The following NPHP4 variants were observed in gnomAD, a reference collection of about 807,000 sequenced individuals.
The protein encoded by NPHP4 is nephrocystin-4.
NPHP4 carries 151 observed loss-of-function variants against 155.8 expected under a neutral mutation model. The observed-to-expected ratio is 0.97, with a 90% CI of 0.85 to 1.11. The LOEUF (loss-of-function observed/expected upper bound fraction) is 1.11, where lower values mean the gene tolerates loss of function less well. Among genes scored for constraint, NPHP4 ranks in the 50% least tolerant of loss-of-function variants. NPHP4 has a pLI of 0.00. For synonymous variants in NPHP4, 845 were observed against 816.8 expected (o/e 1.03, Z -0.59); for missense variants, 1,956 against 1,925.7 (o/e 1.02, Z -0.29).
chr1:5,921,335 C>T (rs1430097369), intron 11 of NPHP4, among the ~76,000 whole-genome samples: 1 of 152,210 alleles, frequency 6.6e-6, no homozygotes, highest in Non-Finnish European at 1.5e-5. Context: ...ACACATGAAC[C>T]GGTTGTTCTC....
At chr1:5,896,103 T>C (rs148169122) in intron 16 of NPHP4, among the ~76,000 whole-genome samples, 1 of 152,348 alleles carries the variant, frequency 6.6e-6, no homozygotes, top group East Asian at 1.9e-4. Context: ...TGTTTGCTTA[T>C]TTTTGAAAAA....
intron 12 of NPHP4, among the ~76,000 whole-genome samples, chr1:5,908,571 C>G (rs1645025161): frequency 6.6e-6 from 1 of 152,178 alleles, no homozygotes; most frequent in African/African-American, 2.4e-5. Flanking sequence ...GGCAGCCAAG[C>G]AGGAGCTCAG....
intron 4 of NPHP4, among the ~76,000 whole-genome samples, chr1:5,968,670 T>G (rs1651976544): frequency 6.6e-6 from 1 of 151,510 alleles, no homozygotes; most frequent in African/African-American, 2.4e-5. Flanking sequence ...ACACACAACT[T>G]TAGATGACAA....
chr1:5,898,736 T>C (rs1317674143), intron 16 of NPHP4, among the ~76,000 whole-genome samples: 1 of 152,250 alleles, frequency 6.6e-6, no homozygotes, highest in African/African-American at 2.4e-5. Context: ...GGGAATTGGC[T>C]TGTCTAAATT....
chr1:5,968,941 C>T (rs1652032081), intron 4 of NPHP4, 146 bp downstream of exon 4: 2 of 524,106 alleles, frequency 3.8e-6, no homozygotes, highest in Non-Finnish European at 3.4e-6. Flanking sequence ...GCACGAGAAT[C>T]GCTCGAACCC....
intron 16 of NPHP4, among the ~76,000 whole-genome samples, chr1:5,899,168 G>C: frequency 6.6e-6 from 1 of 152,244 alleles, no homozygotes; most frequent in East Asian, 1.9e-4. Flanking sequence ...CAACCCAGCC[G>C]TTCACTACCA....
At chr1:5,987,901 T>G (rs1313439806) in intron 1 of NPHP4, among the ~76,000 whole-genome samples, 1 of 152,178 alleles carries the variant, frequency 6.6e-6, no homozygotes, top group Non-Finnish European at 1.5e-5. Flanking sequence ...AAATGGAGTT[T>G]CCAAGCAAAA....
At chr1:5,865,366 C>T (rs933917338) in intron 26 of NPHP4, 93 bp from the exon 27 acceptor site, 15 of 1,188,682 alleles carry the variant, frequency 1.3e-5, no homozygotes, top group Non-Finnish European at 1.6e-5. Flanking sequence ...CGTGGGCAGA[C>T]AGGAGGCTGT....
intron 23 of NPHP4, among the ~76,000 whole-genome samples, chr1:5,872,256 G>T (rs1642081477): frequency 1.3e-5 from 2 of 152,186 alleles, no homozygotes; most frequent in Non-Finnish European, 2.9e-5. Context: ...CGACCTCTGG[G>T]CATTTGGCAA....
At position 5,863,338 on chromosome 1, in the gene NPHP4, T is replaced by G. The variant is rs966449279; in HGVS notation, c.4208A>C (p.Glu1403Ala). 1.9e-6 allele frequency: 3 copies of G among 1,613,838 alleles called. No homozygotes were observed. The African/African-American group carries it at 4.0e-5, about 22-fold the overall frequency. ...ATGGTCATTGATGTAGATCAGGATC[T>G]CCTCCTCACCCACTCTCTGACTAGG... ...FAPSQRVGEE[E>A]ILIYINDHED... Residue 1403 changes from glutamate to alanine, a missense_variant, in exon 30 of 30, where the codon GAG becomes GCG. Coordinates refer to ENST00000378156, the MANE Select transcript of NPHP4 (RefSeq NM_015102.5).
chr1:5,962,283 G>A (rs1014347569), intron 5 of NPHP4, among the ~76,000 whole-genome samples: 7 of 152,158 alleles, frequency 4.6e-5, no homozygotes, highest in African/African-American at 1.7e-4. Flanking sequence ...GGGCTCAAGT[G>A]ATCCTCCCAC....
chr1:5,868,775 GCA>G (rs769259183), intron 23 of NPHP4, among the ~76,000 whole-genome samples: 98 of 116,496 alleles, frequency 8.4e-4, no homozygotes, highest in East Asian at 1.6e-3. Context: ...GCACCCACAT[GCA>G]CACACGCACA....
chr1:5,968,475 A>G (rs1178436522), intron 4 of NPHP4, among the ~76,000 whole-genome samples: 1 of 151,908 alleles, frequency 6.6e-6, no homozygotes, highest in African/African-American at 2.4e-5. Flanking sequence ...GGTGGCACAG[A>G]CCTGTAATCC....
chr1:5,906,488 T>C (rs1644919158), intron 13 of NPHP4, among the ~76,000 whole-genome samples: 1 of 152,262 alleles, frequency 6.6e-6, no homozygotes, highest in Non-Finnish European at 1.5e-5. Flanking sequence ...CACAAACACA[T>C]GAGCCCCAGA....
rs1655885419 is a variant in NPHP4, at chr1:5,989,065, TCCAG to T, written c.-38-2742_-38-2739del. Among the ~76,000 whole-genome samples, 3 of 152,164 alleles carry T rather than the reference TCCAG, an allele frequency of 2.0e-5. No individual in the cohort carries two copies. The South Asian group carries it at 6.2e-4, about 32-fold the overall frequency. ...TGTATGGGGAGAGCTGCTCCCCGAT[TCCAG>T]CCAGAGACTGCAGTGATTGCTTCAA... On this transcript the variant is annotated intron_variant, in intron 1 of 29. Coordinates refer to ENST00000378156, the MANE Select transcript of NPHP4 (RefSeq NM_015102.5).
chr1:5,907,122 G>T lies in NPHP4; in HGVS notation c.1604C>A (p.Ala535Asp). ...QLPHGSQASP[A>D]QAQEFPLEAG... ...CAGGTGGGCGGCACTTACTGCCTGG[G>T]CCGGGGAGGCCTGAGAGCCATGGGG... Residue 535 changes from alanine to aspartate, a missense_variant, in exon 13 of 30, where the codon GCC becomes GAC. Ala to Asp is a moderately radical substitution (Grantham distance 126). Coordinates refer to ENST00000378156, the MANE Select transcript of NPHP4 (RefSeq NM_015102.5). 6.5e-7 allele frequency: 1 copy of T among 1,531,914 alleles called. No individual in the cohort carries two copies. The highest frequency in any genetic ancestry group is 8.8e-7 in the Non-Finnish European group (1 of 1,133,724). 94.9% of individuals were successfully genotyped at this position (1,531,914 alleles called of 1,614,324 possible).
intron 5 of NPHP4, among the ~76,000 whole-genome samples, chr1:5,964,868 A>G (rs1047956009): frequency 1.4e-5 from 2 of 145,368 alleles, no homozygotes; most frequent in Admixed American, 6.9e-5. Flanking sequence ...TTATATATAT[A>G]TAACACACAT....
At chr1:5,924,235 AGC>A (rs1330920373) in intron 11 of NPHP4, among the ~76,000 whole-genome samples, 3 of 152,170 alleles carry the variant, frequency 2.0e-5, no homozygotes, top group African/African-American at 7.2e-5. Context: ...AGTATCAGCG[AGC>A]TGTGAGGCAA....
intron 16 of NPHP4, 67 bp from the exon 17 acceptor site, chr1:5,891,095 A>C: frequency 2.5e-6 from 3 of 1,210,242 alleles, no homozygotes; most frequent in Non-Finnish European, 3.3e-6. Flanking sequence ...CACTTGGAAG[A>C]GATTTCAGCT....
Sources: allele counts gnomAD v4.1 joint callset (sites outside exome capture counted in the v4.1 genomes callset), GRCh38; gene constraint gnomAD v4.1.1; transcripts MANE v1.5; gene names NCBI Gene and HGNC (gene_info 2026-07-23, HGNC 2026-07-21).